The following RPIA variants were observed in gnomAD, a reference collection of about 807,000 sequenced individuals.
RPIA encodes the protein ribose-5-phosphate isomerase.
A neutral mutation model predicts 37.8 loss-of-function variants in RPIA; 29 were observed. The observed-to-expected ratio is 0.77, with a 90% CI of 0.57 to 1.05. The LOEUF is 1.05. Among genes scored for constraint, RPIA ranks in the 50% least tolerant of loss-of-function variants. The pLI, the probability that RPIA is intolerant of heterozygous loss-of-function variation, is 0.00. For missense variants in RPIA, 385 were observed against 413.6 expected (o/e 0.93, Z 0.60); for synonymous variants, 167 against 157.0 (o/e 1.06, Z -0.48).
At chr2:88,702,540 T>G (rs563958336) in intron 3 of RPIA, among the ~76,000 whole-genome samples, 163 of 144,602 alleles carry the variant, frequency 1.1e-3, no homozygotes, top group African/African-American at 4.4e-3. Flanking sequence ...AAAGCAACCT[T>G]GATAAAACCA....
intron 7 of RPIA, 116 bp from the exon 8 acceptor site, chr2:88,737,861 A>G (rs1673334184): frequency 1.3e-6 from 1 of 757,846 alleles, no homozygotes. Context: ...CCTAGAAAGC[A>G]TAAGGTGGGA....
At chr2:88,725,633 C>A (rs1673186783) in intron 3 of RPIA, among the ~76,000 whole-genome samples, 1 of 152,204 alleles carries the variant, frequency 6.6e-6, no homozygotes, top group Non-Finnish European at 1.5e-5. Flanking sequence ...TTAGAGCTTA[C>A]TCTAATGGCC....
At chr2:88,699,088 G>A (rs1363709682) in intron 2 of RPIA, among the ~76,000 whole-genome samples, 1 of 152,236 alleles carries the variant, frequency 6.6e-6, no homozygotes, top group Admixed American at 6.5e-5. Flanking sequence ...TAAGAACAAA[G>A]CCCAGAGGAG....
intron 3 of RPIA, among the ~76,000 whole-genome samples, chr2:88,716,136 A>C (rs143196164): frequency 6.6e-6 from 1 of 152,164 alleles, no homozygotes; most frequent in African/African-American, 2.4e-5. Flanking sequence ...TTTATGTACA[A>C]ATGCAGATAC....
intron 1 of RPIA, among the ~76,000 whole-genome samples, chr2:88,692,404 T>G (rs1307607357): frequency 6.6e-6 from 1 of 152,138 alleles, no homozygotes; most frequent in Admixed American, 6.5e-5. Flanking sequence ...GGTTTGCTAG[T>G]GCTTTGAAAT....
chr2:88,734,137 G>A (rs1259465876), intron 4 of RPIA, among the ~76,000 whole-genome samples: 1 of 151,650 alleles, frequency 6.6e-6, no homozygotes. Flanking sequence ...TAGTAGCACA[G>A]ATATTACTGT....
At position 88,737,997 on chromosome 2, in the gene RPIA, T is replaced by C; in HGVS notation, c.759T>C (p.Asn253=). Residue 253 remains asparagine, a synonymous_variant, in exon 8 of 9, where the codon AAT becomes AAC. Coordinates refer to ENST00000283646, the MANE Select transcript of RPIA (RefSeq NM_144563.3). ...VNKAGPVVTD[N]GNFILDWKFD... The stretch of plus-strand genomic sequence containing the variant: ...TCTAGGGTCCTGTGGTGACAGATAA[T>C]GGGAATTTTATCTTGGACTGGAAGT... 1 of 1,613,726 alleles carries C rather than the reference T, an allele frequency of 6.2e-7. No homozygotes were observed. The highest frequency in any genetic ancestry group is 2.2e-5 in the East Asian group (1 of 44,866).
intron 6 of RPIA, among the ~76,000 whole-genome samples, chr2:88,735,966 C>T (rs555967566): frequency 1.2e-4 from 19 of 152,320 alleles, no homozygotes; most frequent in African/African-American, 3.9e-4. Flanking sequence ...TCTCTAGCAT[C>T]GTTTCATGTG....
At chr2:88,698,430 G>A in intron 1 of RPIA, 54 bp from the exon 2 acceptor site, 18 of 1,468,750 alleles carry the variant, frequency 1.2e-5, no homozygotes, top group Non-Finnish European at 1.7e-5. Context: ...GGCTGACAAA[G>A]GAGTAAAATA....
At chr2:88,697,470 G>A (rs1672763926) in intron 1 of RPIA, among the ~76,000 whole-genome samples, 1 of 152,226 alleles carries the variant, frequency 6.6e-6, no homozygotes, top group South Asian at 2.1e-4. Context: ...CTGCATATTA[G>A]TTCCTGACTG....
In RPIA at chr2:88,733,787, G is replaced by A. The variant is rs531408694; in HGVS notation, c.463-765G>A. Among the ~76,000 whole-genome samples, 6 of 152,216 alleles carry A rather than the reference G, an allele frequency of 3.9e-5. No individual in the cohort carries two copies. In the East Asian group the frequency reaches 1.2e-3, roughly 29 times the overall value. ...ACTTGCTGTCTTTAAAAATATACTCGGGGTTCCTACAATGTCCATGCAGAG... is the reference window on the plus strand; with the variant it reads ...ACTTGCTGTCTTTAAAAATATACTCAGGGTTCCTACAATGTCCATGCAGAG... On this transcript the variant is annotated intron_variant, in intron 4 of 8. Transcript: ENST00000283646.
intron 1 of RPIA, among the ~76,000 whole-genome samples, chr2:88,692,436 G>A (rs974261246): frequency 6.6e-6 from 1 of 152,188 alleles, no homozygotes; most frequent in Non-Finnish European, 1.5e-5. Context: ...GAGGTTCTGG[G>A]CTTGGTGCGC....
chr2:88,737,583 A>G (rs1573477366), intron 7 of RPIA, among the ~76,000 whole-genome samples: 1 of 152,158 alleles, frequency 6.6e-6, no homozygotes, highest in African/African-American at 2.4e-5. Flanking sequence ...CCTTTTTCTT[A>G]TTAGCCAAGT....
chr2:88,718,745 T>A (rs1316781706), intron 3 of RPIA, among the ~76,000 whole-genome samples: 1 of 152,184 alleles, frequency 6.6e-6, no homozygotes, highest in Non-Finnish European at 1.5e-5. Flanking sequence ...CTTATGCAAA[T>A]AACTGTATTG....
At chr2:88,695,608 G>A (rs1436809489) in intron 1 of RPIA, among the ~76,000 whole-genome samples, 1 of 152,196 alleles carries the variant, frequency 6.6e-6, no homozygotes, top group Non-Finnish European at 1.5e-5. Context: ...TAGCCATTTT[G>A]AATGTTTCTG....
rs148673605 is a variant in RPIA at position 88,728,069 on chromosome 2, A to G, written c.403-1209A>G. The stretch of plus-strand genomic sequence containing the variant: ...TATTTAGAAACAAATTCCAGGCATA[A>G]TATCATTTCATTGTATATATTTCAT... On this transcript the variant is annotated intron_variant, in intron 3 of 8. Coordinates refer to ENST00000283646, the MANE Select transcript of RPIA (RefSeq NM_144563.3). 7.5e-4 allele frequency among the ~76,000 whole-genome samples: 114 copies of G among 152,316 alleles called. 2 individuals carry two copies. The South Asian group carries it at 0.014, about 19-fold the overall frequency.
At chr2:88,703,404 ATCT>A (rs1420889570) in intron 3 of RPIA, among the ~76,000 whole-genome samples, 1 of 152,194 alleles carries the variant, frequency 6.6e-6, no homozygotes, top group African/African-American at 2.4e-5. Flanking sequence ...GTTTCCATAC[ATCT>A]TCTGAAATCT....
intron 1 of RPIA, among the ~76,000 whole-genome samples, chr2:88,696,678 G>C (rs1374672258): frequency 2.0e-5 from 3 of 152,106 alleles, no homozygotes; most frequent in Non-Finnish European, 4.4e-5. Flanking sequence ...CCTGTTCATA[G>C]GTGTCTTAGT....
intron 3 of RPIA, among the ~76,000 whole-genome samples, chr2:88,711,092 G>A (rs974741947): frequency 3.3e-5 from 5 of 152,212 alleles, no homozygotes; most frequent in Admixed American, 6.5e-5. Context: ...TGACCCTTCC[G>A]CAAGATTCTT....
Sources: gnomAD v4.1 joint callset for allele counts (sites outside exome capture counted in the v4.1 genomes callset) on GRCh38, gnomAD v4.1.1 for gene constraint, MANE v1.5 for transcripts, NCBI Gene and HGNC (gene_info 2026-07-23, HGNC 2026-07-21) for gene names.